The following DEPDC4 variants were observed in gnomAD, a reference collection of about 807,000 sequenced individuals.
DEPDC4 encodes DEP domain containing 4.
Under a neutral mutation model 52.0 loss-of-function variants are expected in DEPDC4, and 52 were observed. That is an observed-to-expected ratio of 1.00 (90% CI 0.80 to 1.26). The LOEUF (loss-of-function observed/expected upper bound fraction) is 1.26. Among genes scored for constraint, DEPDC4 ranks in the 50% most tolerant of loss-of-function variants. DEPDC4 has a pLI of 0.00. For synonymous variants in DEPDC4, 201 were observed against 196.8 expected, an observed-to-expected ratio of 1.02 and a Z score of -0.18; for missense variants, 530 against 546.9, an observed-to-expected ratio of 0.97 and a Z score of 0.31.
At chr12:100,274,249 A>C in the DEPDC4 span, among the ~76,000 whole-genome samples, 1 of 152,222 alleles carries the variant, frequency 6.6e-6, no homozygotes, top group Non-Finnish European at 1.5e-5. Context: ...TTGCTTGTGT[A>C]TCCAATAATT....
chr12:100,250,250 C>T (rs1592882090), intron 7 of DEPDC4, among the ~76,000 whole-genome samples: 1 of 152,246 alleles, frequency 6.6e-6, no homozygotes, highest in East Asian at 1.9e-4. Context: ...GAGTCTTGTG[C>T]TGTTACCCAG....
upstream of DEPDC4, chr12:100,267,164 C>A (rs1472421582): frequency 7.6e-6 from 11 of 1,440,308 alleles, 1 homozygote; most frequent in African/African-American, 1.4e-5. Context: ...TGCCCCCGGC[C>A]GGCAGGTCTT....
chr12:100,268,173 G>T (rs1426384815), upstream of DEPDC4, among the ~76,000 whole-genome samples: 1 of 152,180 alleles, frequency 6.6e-6, no homozygotes, highest in Non-Finnish European at 1.5e-5. Context: ...TTCATTGGAA[G>T]GTGTCAACTA....
At chr12:100,268,321 GC>G (rs1288045594), upstream of DEPDC4, among the ~76,000 whole-genome samples, 2 of 152,188 alleles carry the variant, frequency 1.3e-5, no homozygotes, top group Non-Finnish European at 2.9e-5. Flanking sequence ...AAATCAGCCT[GC>G]CACTGTAAAA....
At chr12:100,247,193 C>T (rs2096188964) in intron 8 of DEPDC4, among the ~76,000 whole-genome samples, 2 of 150,404 alleles carry the variant, frequency 1.3e-5, no homozygotes, top group South Asian at 4.2e-4. Flanking sequence ...TTATAATCTC[C>T]CCTTAGTGTT....
At chr12:100,237,088 T>G (rs1197207844), downstream of DEPDC4, among the ~76,000 whole-genome samples, 1 of 152,184 alleles carries the variant, frequency 6.6e-6, no homozygotes, top group Non-Finnish European at 1.5e-5. Context: ...GACTATGGCC[T>G]TATAGTATAG....
At chr12:100,246,462 T>C (rs2096185884) in intron 8 of DEPDC4, among the ~76,000 whole-genome samples, 2 of 152,200 alleles carry the variant, frequency 1.3e-5, no homozygotes, top group African/African-American at 4.8e-5. Context: ...TCATTTTGAA[T>C]GTTAGAATGT....
At chr12:100,254,150 A>G (rs1309309703) in intron 4 of DEPDC4, among the ~76,000 whole-genome samples, 2 of 151,760 alleles carry the variant, frequency 1.3e-5, no homozygotes, top group African/African-American at 2.4e-5. Context: ...GCCCACCCCA[A>G]TAAGATAAGA....
chr12:100,261,197 AAAG>A (rs1286105989), intron 3 of DEPDC4, among the ~76,000 whole-genome samples: 3 of 152,020 alleles, frequency 2.0e-5, no homozygotes, highest in African/African-American at 7.2e-5. Flanking sequence ...AAAAAAAAAA[AAAG>A]AGTTCTCTTT....
At chr12:100,232,951 G>C (rs117691842) in intron 9 of DEPDC4, among the ~76,000 whole-genome samples, 3,595 of 152,132 alleles carry the variant, frequency 0.024, 62 homozygotes, top group African/African-American at 0.04. Flanking sequence ...TGAGAGGATA[G>C]CACTTATTAA....
chr12:100,268,263 G>A (rs2096282055), upstream of DEPDC4, among the ~76,000 whole-genome samples: 1 of 152,182 alleles, frequency 6.6e-6, no homozygotes, highest in Non-Finnish European at 1.5e-5. Context: ...AGTTTTCTAA[G>A]TAGCCTATCT....
chr12:100,247,513 T>C (rs907125803), intron 8 of DEPDC4, among the ~76,000 whole-genome samples: 5 of 152,158 alleles, frequency 3.3e-5, no homozygotes, highest in Non-Finnish European at 7.3e-5. Flanking sequence ...GCCTAGCATA[T>C]ATTGTTGAAT....
At chr12:100,276,580 C>T in the DEPDC4 span, among the ~76,000 whole-genome samples, 2 of 152,160 alleles carry the variant, frequency 1.3e-5, no homozygotes, top group Non-Finnish European at 2.9e-5. Flanking sequence ...TCAAGTGATC[C>T]TCCTGCTTTA....
intron 8 of DEPDC4, among the ~76,000 whole-genome samples, chr12:100,244,091 C>CTATATATATATATA (rs2096172627): frequency 2.9e-5 from 1 of 34,992 alleles, no homozygotes; most frequent in South Asian, 1.6e-3. Flanking sequence ...CTCTCTCTCT[C>CTATATATATATATA]TGTGTATATA....
Position 100,263,875 on chromosome 12 carries a change from T to C in DEPDC4, c.176A>G (p.Gln59Arg), listed in dbSNP as rs565603230. 7 of 1,608,130 alleles carry C rather than the reference T, an allele frequency of 4.4e-6. No homozygotes were observed. In the African/African-American group the frequency reaches 5.3e-5, roughly 12 times the overall value. ...AATACCATCCCATAGCTGAGTAGCT[T>C]GAAAAGGACCAGAGCATCCTGAAAA... Reference protein sequence around the residue: ...KRRTGCSGPFQATQLWDGIIH... With the variant: ...KRRTGCSGPFRATQLWDGIIH... The change falls in exon 2 of 10, where the codon CAA (glutamine) becomes CGA (arginine). Residue 59 changes from glutamine to arginine, a missense_variant. Coordinates refer to ENST00000550587, the MANE Select transcript of DEPDC4 (RefSeq NM_001364818.2).
downstream of DEPDC4, among the ~76,000 whole-genome samples, chr12:100,235,351 G>GT (rs60398537): frequency 0.034 from 4,626 of 137,506 alleles, 98 homozygotes; most frequent in Non-Finnish European, 0.053. Flanking sequence ...TTCTTTTAAG[G>GT]TTTTTTTTTT....
At chr12:100,267,266 C>T (rs1038373829), upstream of DEPDC4, 25 of 601,578 alleles carry the variant, frequency 4.2e-5, no homozygotes, top group African/African-American at 3.2e-4. Context: ...GCCGCGGGGG[C>T]GGCGGAGGAT....
At position 100,252,230 on chromosome 12, in the gene DEPDC4, C is replaced by T; in HGVS notation, c.1320G>A (p.Val440=). Reference sequence around the variant, plus strand: ...GAAACCAGACCAGTTGTTCTGCCCGCACTTTTAATAATGATTTGGCTTGCA... The same window carrying T: ...GAAACCAGACCAGTTGTTCTGCCCGTACTTTTAATAATGATTTGGCTTGCA... ...SVLQAKSLLK[V]RAEQLVWFPL... The change falls in exon 7 of 10, where the codon GTG becomes GTA. Residue 440 remains valine (V), a synonymous_variant. Coordinates refer to ENST00000550587, the MANE Select transcript of DEPDC4 (RefSeq NM_001364818.2). 2.3e-6 allele frequency: 3 copies of T among 1,327,400 alleles called. No individual in the cohort carries two copies. Among genetic ancestry groups the T allele is most frequent in the Non-Finnish European group, 2.9e-6 (3 of 1,032,414 alleles). The allele number at this position is 1,327,400 out of a possible 1,614,324, so 82.2% of individuals were successfully genotyped here. A position where few individuals can be genotyped will look rare whatever the true frequency, so the allele number is the denominator to read the frequency against.
chr12:100,257,955 T>C (rs1275127695), intron 3 of DEPDC4, among the ~76,000 whole-genome samples: 1 of 150,186 alleles, frequency 6.7e-6, no homozygotes, highest in Non-Finnish European at 1.5e-5. Flanking sequence ...GGAGATTTCA[T>C]GTGAAATTCT....
Sources: allele counts gnomAD v4.1 joint callset (sites outside exome capture counted in the v4.1 genomes callset), GRCh38; gene constraint gnomAD v4.1.1; transcripts MANE v1.5; gene names NCBI Gene and HGNC (gene_info 2026-07-23, HGNC 2026-07-21).